Variants in ADGRB3 observed in about 807,000 individuals in gnomAD.
ADGRB3 encodes the protein brain-specific angiogenesis inhibitor 3.
A neutral mutation model predicts 193.4 loss-of-function variants in ADGRB3; 37 were observed. The ratio of observed to expected loss-of-function variants is 0.19; its 90% CI spans 0.15 to 0.25. The LOEUF (loss-of-function observed/expected upper bound fraction) is 0.25. Among genes scored for constraint, ADGRB3 ranks in the 10% least tolerant of loss-of-function variants. ADGRB3 has a pLI of 1.00. For synonymous variants in ADGRB3, 690 were observed against 644.2 expected, an observed-to-expected ratio of 1.07 and a Z score of -1.08; for missense variants, 1,637 against 1,852.9, an observed-to-expected ratio of 0.88 and a Z score of 2.14.
At chr6:69,044,348 C>G (rs1034851185) in intron 13 of ADGRB3, among the ~76,000 whole-genome samples, 5 of 152,190 alleles carry the variant, frequency 3.3e-5, no homozygotes, top group Non-Finnish European at 1.5e-5. Context: ...ATGTGAACCA[C>G]TCACAACCAG....
At chr6:68,657,028 A>T (rs1272026414) in intron 3 of ADGRB3, among the ~76,000 whole-genome samples, 1 of 151,524 alleles carries the variant, frequency 6.6e-6, no homozygotes, top group African/African-American at 2.4e-5. Context: ...AAGTATAATG[A>T]CTTCGATTTT....
chr6:68,675,384 T>G (rs1769064872), intron 3 of ADGRB3, among the ~76,000 whole-genome samples: 1 of 152,046 alleles, frequency 6.6e-6, no homozygotes, highest in African/African-American at 2.4e-5. Flanking sequence ...GATTTAAAAC[T>G]GGGGATACAG....
At chr6:68,942,323 G>A (rs1486739040) in intron 5 of ADGRB3, among the ~76,000 whole-genome samples, 1 of 151,990 alleles carries the variant, frequency 6.6e-6, no homozygotes. Context: ...CCTTACCAAT[G>A]TTAAAGAAAA....
At chr6:68,943,683 A>T in intron 5 of ADGRB3, 147 bp from the exon 6 acceptor site, 1 of 588,078 alleles carries the variant, frequency 1.7e-6, no homozygotes, top group Non-Finnish European at 2.6e-6. Flanking sequence ...ATTGTATTTT[A>T]TAAAAAATAA....
chr6:68,809,091 G>T (rs1011082024), intron 3 of ADGRB3, among the ~76,000 whole-genome samples: 1 of 152,012 alleles, frequency 6.6e-6, no homozygotes, highest in Admixed American at 6.6e-5. Context: ...AAATTTTTTT[G>T]CATTATGGAT....
In ADGRB3 at chr6:68,772,895, ATATATAT is replaced by A. The variant is rs1176932401; in HGVS notation, c.757+133464_757+133470del. ...CAAACAAACAAACAAAAAAAAAAAA[ATATATAT>A]ATATATATATATATATATATATATA... is the stretch of plus-strand genomic sequence containing the variant. On this transcript the variant is annotated intron_variant, in intron 3 of 31. Coordinates refer to ENST00000370598, the MANE Select transcript of ADGRB3 (RefSeq NM_001704.3). 1.4e-3 allele frequency among the ~76,000 whole-genome samples: 46 copies of A among 33,328 alleles called. No individual in the cohort carries two copies. In the East Asian group the frequency reaches 0.02, roughly 14 times the overall value. The allele number at this position is 33,328 out of a possible 152,430, so 21.9% of individuals were successfully genotyped here.
At chr6:68,699,406 G>A (rs977785319) in intron 3 of ADGRB3, among the ~76,000 whole-genome samples, 4 of 152,088 alleles carry the variant, frequency 2.6e-5, no homozygotes, top group Non-Finnish European at 5.9e-5. Context: ...TTCTTGGGAT[G>A]TATTAATTTG....
rs1243254437 is a variant in ADGRB3, at chr6:69,018,393, T to C, written c.2001T>C (p.Ile667=). Reference sequence around the variant, plus strand: ...CTAACCTTTGCTTATTTTTCTAGATTTATCCAGGGTCAATAGAGTTAATGC... The same window carrying C: ...CTAACCTTTGCTTATTTTTCTAGATCTATCCAGGGTCAATAGAGTTAATGC... ...NKEKWEDAQQ[I]YPGSIELMQV... is the part of the protein sequence containing the mutation. Residue 667 remains isoleucine (I), a splice_region_variant and synonymous_variant, in exon 13 of 32, where the codon ATT becomes ATC. Transcript: ENST00000370598. 9 of 1,583,120 alleles carry C rather than the reference T, an allele frequency of 5.7e-6. No homozygotes were observed. In the Admixed American group the frequency reaches 1.2e-4, roughly 21 times the overall value.
intron 20 of ADGRB3, among the ~76,000 whole-genome samples, chr6:69,249,764 A>T (rs896178004): frequency 1.1e-4 from 16 of 150,096 alleles, no homozygotes; most frequent in African/African-American, 3.8e-4. Context: ...TGCCTATAAT[A>T]AAAAAAAATA....
At chr6:69,334,537 A>G (rs553297043) in intron 24 of ADGRB3, among the ~76,000 whole-genome samples, 1 of 152,296 alleles carries the variant, frequency 6.6e-6, no homozygotes, top group African/African-American at 2.4e-5. Flanking sequence ...ACAACCTTAA[A>G]TATGTAGACT....
In ADGRB3 at chr6:68,779,450, C is replaced by T. The variant is rs115829792; in HGVS notation, c.757+140018C>T. Among the ~76,000 whole-genome samples the T allele has an allele frequency of 2.3e-3, 355 of 152,048 alleles. 1 individual carries two copies. The highest frequency in any genetic ancestry group is 8.1e-3 in the African/African-American group (337 of 41,522). The stretch of plus-strand genomic sequence containing the variant: ...CATGGGGTCACTGAAGATCTGGAAG[C>T]CCTGTTACAGACAGAGATTATGTAA... On this transcript the variant is annotated intron_variant, in intron 3 of 31. Transcript: ENST00000370598.
intron 3 of ADGRB3, among the ~76,000 whole-genome samples, chr6:68,864,602 G>A (rs763313489): frequency 1.3e-5 from 2 of 152,120 alleles, no homozygotes; most frequent in African/African-American, 2.4e-5. Context: ...CAAAATAAAC[G>A]ACTCCTTTTG....
At chr6:69,039,241 TAA>T (rs1437944077) in intron 13 of ADGRB3, among the ~76,000 whole-genome samples, 1 of 132,264 alleles carries the variant, frequency 7.6e-6, no homozygotes, top group Non-Finnish European at 1.6e-5. Context: ...GTTTCCAAGG[TAA>T]TAAGGAAAGA....
chr6:68,866,790 C>T (rs759310679), intron 3 of ADGRB3, among the ~76,000 whole-genome samples: 6 of 152,150 alleles, frequency 3.9e-5, no homozygotes, highest in Admixed American at 2.0e-4. Flanking sequence ...AGATTGGCAG[C>T]GTTGTCTCTG....
chr6:69,071,688 T>C (rs925826365), intron 16 of ADGRB3, among the ~76,000 whole-genome samples: 1 of 152,212 alleles, frequency 6.6e-6, no homozygotes, highest in African/African-American at 2.4e-5. Context: ...TCCAAATATG[T>C]GCAGTATTAC....
At chr6:69,325,157 G>A (rs1199303817) in intron 21 of ADGRB3, 135 bp downstream of exon 21, 2 of 1,182,172 alleles carry the variant, frequency 1.7e-6, no homozygotes, top group East Asian at 2.5e-5. Context: ...ACATGAGCTG[G>A]TCAGTTTTGA....
intron 3 of ADGRB3, among the ~76,000 whole-genome samples, chr6:68,672,878 G>A (rs774261666): frequency 1.3e-5 from 2 of 151,994 alleles, no homozygotes; most frequent in East Asian, 1.9e-4. Flanking sequence ...AGGTCTCCTC[G>A]CAAAAAAGTA....
intron 3 of ADGRB3, among the ~76,000 whole-genome samples, chr6:68,646,114 A>T (rs1050254629): frequency 2.0e-5 from 3 of 152,224 alleles, no homozygotes; most frequent in African/African-American, 4.8e-5. Context: ...ATTGTTTATC[A>T]TTTGTATAAA....
Position 69,306,370 on chromosome 6 carries a change from G to A in ADGRB3, c.2815-18502G>A, listed in dbSNP as rs1768067203. Among the ~76,000 whole-genome samples the A allele has an allele frequency of 2.0e-5, 3 of 151,332 alleles. No homozygotes were observed. In the South Asian group the frequency reaches 6.2e-4, roughly 31 times the overall value. On this transcript the variant is annotated intron_variant, in intron 20 of 31. Transcript: ENST00000370598. ...CTTTAATTCAAAGTCTTCAATCTCTGTCATACATAGCATAATGTGTTGCCT... is the reference window on the plus strand; with the variant it reads ...CTTTAATTCAAAGTCTTCAATCTCTATCATACATAGCATAATGTGTTGCCT...
Sources: gnomAD v4.1 joint callset for allele counts (sites outside exome capture counted in the v4.1 genomes callset) on GRCh38, gnomAD v4.1.1 for gene constraint, MANE v1.5 for transcripts, NCBI Gene and HGNC (gene_info 2026-07-23, HGNC 2026-07-21) for gene names.